The following PDGFD variants were observed in gnomAD, a reference collection of about 807,000 sequenced individuals.
PDGFD encodes the protein platelet derived growth factor D.
A neutral mutation model predicts 44.7 loss-of-function variants in PDGFD; 30 were observed. That is an observed-to-expected ratio of 0.67 (90% confidence interval 0.50 to 0.91). The LOEUF (loss-of-function observed/expected upper bound fraction) is 0.91, where lower values mean the gene tolerates loss of function less well. Among genes scored for constraint, PDGFD ranks in the 40% least tolerant of loss-of-function variants. The pLI, the probability that PDGFD is intolerant of heterozygous loss-of-function variation, is 0.00. For missense variants in PDGFD, 445 were observed against 457.8 expected, an observed-to-expected ratio of 0.97 and a Z score of 0.25; for synonymous variants, 173 against 168.4, an observed-to-expected ratio of 1.03 and a Z score of -0.21.
In PDGFD at chr11:104,150,930, G is replaced by A. The variant is rs558155896; in HGVS notation, c.124+12874C>T. Among the ~76,000 whole-genome samples the A allele has an allele frequency of 2.6e-5, 4 of 152,224 alleles. No individual in the cohort carries two copies. The East Asian group carries it at 7.7e-4, about 29-fold the overall frequency. On this transcript the variant is annotated intron_variant, in intron 1 of 6. Transcript: ENST00000393158. Reference sequence around the variant, plus strand: ...TCCAGAATTAGGACATGATACCATTGGGGTCATTATTCAGCCATAGGACAA... The same window carrying A: ...TCCAGAATTAGGACATGATACCATTAGGGTCATTATTCAGCCATAGGACAA...
intron 1 of PDGFD, among the ~76,000 whole-genome samples, chr11:104,155,780 T>C (rs1862298839): frequency 6.6e-6 from 1 of 152,220 alleles, no homozygotes; most frequent in Non-Finnish European, 1.5e-5. Flanking sequence ...AAGCAGGTGG[T>C]TGCTACATTG....
intron 1 of PDGFD, among the ~76,000 whole-genome samples, chr11:104,002,429 C>T (rs1003777283): frequency 5.3e-5 from 8 of 152,144 alleles, no homozygotes; most frequent in African/African-American, 1.9e-4. Flanking sequence ...CCCTGCAACC[C>T]CTGCCTCCTG....
At chr11:104,106,910 AT>A (rs1202522678) in intron 1 of PDGFD, among the ~76,000 whole-genome samples, 1 of 151,792 alleles carries the variant, frequency 6.6e-6, no homozygotes, top group Non-Finnish European at 1.5e-5. Flanking sequence ...CGCCTGGCTA[AT>A]TTTTGTGTTT....
chr11:103,935,138 T>C (rs970812292), intron 5 of PDGFD, among the ~76,000 whole-genome samples: 2 of 152,190 alleles, frequency 1.3e-5, no homozygotes, highest in Non-Finnish European at 2.9e-5. Flanking sequence ...CACTGTCAAC[T>C]GGATTTTTCC....
chr11:103,937,767 T>C (rs1182740128), intron 5 of PDGFD, among the ~76,000 whole-genome samples: 3 of 142,586 alleles, frequency 2.1e-5, no homozygotes, highest in Non-Finnish European at 3.0e-5. Flanking sequence ...TGTGTTCTCA[T>C]TGTTCAATTC....
At chr11:104,037,979 A>T (rs778494279) in intron 1 of PDGFD, 2 of 1,614,026 alleles carry the variant, frequency 1.2e-6, no homozygotes, top group Non-Finnish European at 8.5e-7. Flanking sequence ...GAAATTACAC[A>T]TTCAGTCATG....
chr11:104,044,272 C>A (rs1381256703), intron 1 of PDGFD, among the ~76,000 whole-genome samples: 2 of 151,992 alleles, frequency 1.3e-5, no homozygotes, highest in Admixed American at 6.6e-5. Context: ...AATAATTGTA[C>A]CTTTAGTCTA....
At chr11:104,150,579 C>A (rs10791672) in intron 1 of PDGFD, among the ~76,000 whole-genome samples, 67,837 of 151,952 alleles carry the variant, frequency 0.45, 15,212 homozygotes, top group East Asian at 0.61. Flanking sequence ...GAAGTCTGAA[C>A]TCAATTTCAA....
chr11:103,941,731 AG>A (rs774010029), intron 5 of PDGFD, among the ~76,000 whole-genome samples: 3 of 152,110 alleles, frequency 2.0e-5, no homozygotes, highest in Non-Finnish European at 4.4e-5. Flanking sequence ...TAATGGATTT[AG>A]GTGATTTCAA....
intron 3 of PDGFD, among the ~76,000 whole-genome samples, chr11:103,983,677 A>G (rs1019830066): frequency 1.3e-5 from 2 of 151,862 alleles, no homozygotes; most frequent in African/African-American, 4.9e-5. Flanking sequence ...GCATCTGACA[A>G]AAGTCTAATA....
At chr11:103,928,510 T>C (rs1053233015) in intron 5 of PDGFD, among the ~76,000 whole-genome samples, 1 of 152,186 alleles carries the variant, frequency 6.6e-6, no homozygotes, top group African/African-American at 2.4e-5. Context: ...GTAGAATGCA[T>C]CTAAGGAAAA....
At chr11:104,090,549 T>G (rs776394689) in intron 1 of PDGFD, among the ~76,000 whole-genome samples, 1 of 150,846 alleles carries the variant, frequency 6.6e-6, no homozygotes, top group Non-Finnish European at 1.5e-5. Flanking sequence ...GAATCACTTG[T>G]ACCCAGGAGG....
intron 1 of PDGFD, among the ~76,000 whole-genome samples, chr11:104,103,401 C>T (rs553927416): frequency 2.6e-4 from 39 of 150,136 alleles, no homozygotes; most frequent in African/African-American, 9.5e-4. Flanking sequence ...GAACATATTT[C>T]TTTCCCCTTC....
At chr11:104,012,976 C>A (rs770832462) in intron 1 of PDGFD, among the ~76,000 whole-genome samples, 4 of 152,194 alleles carry the variant, frequency 2.6e-5, no homozygotes, top group Non-Finnish European at 4.4e-5. Flanking sequence ...ACTTCACAAC[C>A]CTGTTTTCAT....
chr11:104,140,931 G>A (rs560015133), intron 1 of PDGFD, among the ~76,000 whole-genome samples: 7 of 152,248 alleles, frequency 4.6e-5, no homozygotes, highest in African/African-American at 1.7e-4. Context: ...TCTTACCTTG[G>A]CTATGTTAAT....
intron 1 of PDGFD, among the ~76,000 whole-genome samples, chr11:104,004,295 T>C (rs1203870763): frequency 6.6e-6 from 1 of 152,156 alleles, no homozygotes; most frequent in Non-Finnish European, 1.5e-5. Flanking sequence ...CAACATCAAA[T>C]TGAAAATATT....
rs867726371 is a variant in PDGFD at position 103,985,166 on chromosome 11, A to T, written c.510+10899T>A. 7.1e-4 allele frequency among the ~76,000 whole-genome samples: 94 copies of T among 131,870 alleles called. 3 individuals carry two copies. The highest frequency in any genetic ancestry group is 4.1e-3 in the Middle Eastern group (1 of 242). 86.5% of individuals were successfully genotyped at this position (131,870 alleles called of 152,430 possible). A position where few individuals can be genotyped will look rare whatever the true frequency, so the allele number is the denominator to read the frequency against. Reference sequence around the variant, plus strand: ...TAATATATTAATTTATTTAATATATAATATATTAATTTATTTAATATATAA... The same window carrying T: ...TAATATATTAATTTATTTAATATATTATATATTAATTTATTTAATATATAA... On this transcript the variant is annotated intron_variant, in intron 3 of 6. Coordinates refer to ENST00000393158, the MANE Select transcript of PDGFD (RefSeq NM_025208.5).
intron 3 of PDGFD, among the ~76,000 whole-genome samples, chr11:103,948,856 C>T (rs762056844): frequency 4.0e-5 from 6 of 151,668 alleles, no homozygotes; most frequent in East Asian, 3.9e-4. Context: ...GAGTCAAATG[C>T]GGGGTTCAAA....
intron 1 of PDGFD, among the ~76,000 whole-genome samples, chr11:104,101,774 A>C (rs755855511): frequency 1.3e-5 from 2 of 151,990 alleles, no homozygotes; most frequent in East Asian, 3.8e-4. Flanking sequence ...ATAATGCCGC[A>C]TATCTACAAC....
Sources: gnomAD v4.1 joint callset for allele counts (sites outside exome capture counted in the v4.1 genomes callset) on GRCh38, gnomAD v4.1.1 for gene constraint, MANE v1.5 for transcripts, NCBI Gene and HGNC (gene_info 2026-07-23, HGNC 2026-07-21) for gene names.